Variants in TMEM131L observed in about 807,000 individuals in gnomAD.
TMEM131L encodes transmembrane 131 like.
In TMEM131L, 54 loss-of-function variants were observed where a neutral mutation model predicts 192.2. That is an observed-to-expected ratio of 0.28 (90% CI 0.23 to 0.35). TMEM131L has a LOEUF of 0.35. TMEM131L is among the 10% of genes least tolerant of loss of function. The pLI, the probability that TMEM131L is intolerant of heterozygous loss-of-function variation, is 1.00. For synonymous variants in TMEM131L, 701 were observed against 704.9 expected (o/e 0.99, Z 0.09); for missense variants, 1,888 against 1,972.9 (o/e 0.96, Z 0.82).
intron 24 of TMEM131L, 28 bp downstream of exon 24, chr4:153,603,480 G>A (rs1731992346): frequency 2.5e-6 from 4 of 1,587,818 alleles, no homozygotes; most frequent in Non-Finnish European, 2.6e-6. Flanking sequence ...GTGGTTGGGA[G>A]CGGGGGCGGT....
chr4:153,490,351 A>G (rs1732679384), intron 3 of TMEM131L, among the ~76,000 whole-genome samples: 1 of 151,930 alleles, frequency 6.6e-6, no homozygotes, highest in Non-Finnish European at 1.5e-5. Context: ...TACAGTGACT[A>G]CTCTAGTCAT....
chr4:153,625,060 G>A (rs1733737318), intron 29 of TMEM131L, among the ~76,000 whole-genome samples: 1 of 152,178 alleles, frequency 6.6e-6, no homozygotes, highest in Non-Finnish European at 1.5e-5. Context: ...ATAACGTTCT[G>A]TGCATGTGCA....
intron 20 of TMEM131L, 91 bp downstream of exon 20, chr4:153,596,476 T>G: frequency 6.8e-7 from 1 of 1,468,538 alleles, no homozygotes; most frequent in Non-Finnish European, 9.4e-7. Context: ...CACTTCTCAG[T>G]CAGACCTTCA....
At chr4:153,631,085 C>A (rs1734178858) in intron 31 of TMEM131L, among the ~76,000 whole-genome samples, 1 of 152,236 alleles carries the variant, frequency 6.6e-6, no homozygotes, top group African/African-American at 2.4e-5. Flanking sequence ...CTGTGAGAAC[C>A]ACTTTGGGTT....
rs147170700 is a variant in TMEM131L at position 153,485,923 on chromosome 4, A to G, written c.239+12035A>G. Among the ~76,000 whole-genome samples, 1,282 of 152,306 alleles carry G rather than the reference A, an allele frequency of 8.4e-3. 10 individuals carry two copies. Among genetic ancestry groups the G allele is most frequent in the South Asian group, 0.024 (114 of 4,830 alleles). On this transcript the variant is annotated intron_variant, in intron 3 of 34. Transcript: ENST00000409959. The stretch of plus-strand genomic sequence containing the variant: ...TTATAGATGAGGAGACAGGTTCATC[A>G]AGGTAAAACAATTTGTTGAAGGTTA...
At chr4:153,472,932 T>C (rs140331299) in intron 2 of TMEM131L, among the ~76,000 whole-genome samples, 2,991 of 152,200 alleles carry the variant, frequency 0.02, 55 homozygotes, top group South Asian at 0.07. Context: ...TTTGGAGAGG[T>C]CAGCTAAGGC....
chr4:153,605,876 A>G (rs992468148), intron 25 of TMEM131L, among the ~76,000 whole-genome samples: 4 of 152,248 alleles, frequency 2.6e-5, no homozygotes, highest in Non-Finnish European at 5.9e-5. Flanking sequence ...TTTAAAAGAA[A>G]GTTGGAGTCC....
chr4:153,512,968 A>G (rs1734462467), intron 3 of TMEM131L, among the ~76,000 whole-genome samples: 1 of 152,234 alleles, frequency 6.6e-6, no homozygotes, highest in Non-Finnish European at 1.5e-5. Context: ...ATCAGTAGCC[A>G]TTAATGAAGT....
chr4:153,499,300 G>C (rs1292454408), intron 3 of TMEM131L, among the ~76,000 whole-genome samples: 1 of 152,190 alleles, frequency 6.6e-6, no homozygotes. Context: ...AGGATGCCCA[G>C]CGCTTGTCTG....
intron 7 of TMEM131L, among the ~76,000 whole-genome samples, chr4:153,562,224 G>A (rs931077554): frequency 2.6e-5 from 4 of 151,960 alleles, no homozygotes; most frequent in Admixed American, 2.0e-4. Flanking sequence ...TTTTAGTAGA[G>A]ACAGGGTTTC....
At chr4:153,466,804 G>T (rs1417302851) in intron 1 of TMEM131L, among the ~76,000 whole-genome samples, 1 of 152,130 alleles carries the variant, frequency 6.6e-6, no homozygotes, top group Non-Finnish European at 1.5e-5. Flanking sequence ...TGCGCCCCGG[G>T]CGCAGCCCCC....
chr4:153,584,949 T>G lies in TMEM131L; in HGVS notation c.1157+18T>G, dbSNP rs1730600500. 6.5e-7 allele frequency: 1 copy of G among 1,542,958 alleles called. No homozygotes were observed. The highest frequency in any genetic ancestry group is 9.0e-7 in the Non-Finnish European group (1 of 1,115,226). ...GCTCAGGGGTAGGTTACTTCCACTT[T>G]CCCTGAAATCTTGTATGGTTGTTGT... is the stretch of plus-strand genomic sequence containing the variant. On this transcript the variant is annotated intron_variant, in intron 12 of 34. Coordinates refer to ENST00000409959, the MANE Select transcript of TMEM131L (RefSeq NM_001131007.2).
rs139826503 is a variant in TMEM131L, at chr4:153,476,270, C to G, written c.239+2382C>G. Among the ~76,000 whole-genome samples, 1,184 of 152,120 alleles carry G rather than the reference C, an allele frequency of 7.8e-3. 17 individuals carry two copies. Among genetic ancestry groups the G allele is most frequent in the African/African-American group, 0.027 (1,102 of 41,506 alleles). ...CACCACGCCTGGCCTGAATTGATAA[C>G]TTAATTCAGAAGGAAAAAAATTAAT... On this transcript the variant is annotated intron_variant, in intron 3 of 34. Coordinates refer to ENST00000409959, the MANE Select transcript of TMEM131L (RefSeq NM_001131007.2).
At chr4:153,518,190 G>T (rs1386222044) in intron 3 of TMEM131L, among the ~76,000 whole-genome samples, 1 of 152,170 alleles carries the variant, frequency 6.6e-6, no homozygotes, top group Non-Finnish European at 1.5e-5. Context: ...AGGTGCTTGC[G>T]TTCTCACACA....
chr4:153,492,245 G>A (rs1439735549), intron 3 of TMEM131L, among the ~76,000 whole-genome samples: 5 of 151,878 alleles, frequency 3.3e-5, no homozygotes, highest in South Asian at 2.1e-4. Context: ...AAACTCCTGC[G>A]CTCAACAGTT....
At chr4:153,613,121 G>A (rs1686990645) in intron 26 of TMEM131L, among the ~76,000 whole-genome samples, 1 of 152,152 alleles carries the variant, frequency 6.6e-6, no homozygotes, top group South Asian at 2.1e-4. Flanking sequence ...AAGTACAAAG[G>A]CAACAGGCAG....
chr4:153,604,977 A>G (rs1007204498), intron 25 of TMEM131L, among the ~76,000 whole-genome samples: 1 of 152,150 alleles, frequency 6.6e-6, no homozygotes, highest in African/African-American at 2.4e-5. Context: ...TGCTGGGATT[A>G]TAGGCGTGAG....
At chr4:153,507,148 A>C (rs1236794134) in intron 3 of TMEM131L, among the ~76,000 whole-genome samples, 2 of 152,146 alleles carry the variant, frequency 1.3e-5, no homozygotes, top group Non-Finnish European at 2.9e-5. Flanking sequence ...GCCTTGAACA[A>C]CACCACGGGA....
At position 153,590,972 on chromosome 4, in the gene TMEM131L, C is replaced by T. The variant is rs548324816; in HGVS notation, c.1671-81C>T. On this transcript the variant is annotated intron_variant, in intron 16 of 34. Coordinates refer to ENST00000409959, the MANE Select transcript of TMEM131L (RefSeq NM_001131007.2). Reference sequence around the variant, plus strand: ...AAGTGGGAATAGTATTTAGTGATTTCCCTAAATAACAAAATTATTAAATAT... The same window carrying T: ...AAGTGGGAATAGTATTTAGTGATTTTCCTAAATAACAAAATTATTAAATAT... 1.4e-4 allele frequency: 140 copies of T among 972,054 alleles called. 1 individual carries two copies. Among genetic ancestry groups the T allele is most frequent in the Admixed American group, 1.1e-3 (32 of 27,924 alleles). The allele number at this position is 972,054 out of a possible 1,614,324, so 60.2% of individuals were successfully genotyped here. A position where few individuals can be genotyped will look rare whatever the true frequency, so the allele number is the denominator to read the frequency against.
Sources: gnomAD v4.1 joint callset for allele counts (sites outside exome capture counted in the v4.1 genomes callset) on GRCh38, gnomAD v4.1.1 for gene constraint, MANE v1.5 for transcripts, NCBI Gene and HGNC (gene_info 2026-07-23, HGNC 2026-07-21) for gene names.